The following TRAK2 variants were observed in gnomAD, a reference collection of about 807,000 sequenced individuals.
The protein encoded by TRAK2 is trafficking kinesin protein 2.
TRAK2 carries 81 observed loss-of-function variants against 104.6 expected under a neutral mutation model. The observed-to-expected ratio is 0.77, with a 90% CI of 0.65 to 0.93. The LOEUF (loss-of-function observed/expected upper bound fraction) is 0.93, where lower values mean the gene tolerates loss of function less well. Among genes scored for constraint, TRAK2 ranks in the 40% least tolerant of loss-of-function variants. TRAK2 has a pLI of 0.00. For synonymous variants in TRAK2, 406 were observed against 394.4 expected, an observed-to-expected ratio of 1.03 and a Z score of -0.35; for missense variants, 1,002 against 1,089.0, an observed-to-expected ratio of 0.92 and a Z score of 1.12.
chr2:201,395,249 T>C (rs765216401), intron 8 of TRAK2, 65 bp downstream of exon 8: 3 of 1,395,642 alleles, frequency 2.1e-6, no homozygotes, highest in Non-Finnish European at 3.0e-6. Flanking sequence ...ATCTAGCACT[T>C]AGCATGGTGC....
At chr2:201,382,829 G>A in intron 15 of TRAK2, among the ~76,000 whole-genome samples, 1 of 152,222 alleles carries the variant, frequency 6.6e-6, no homozygotes, top group Non-Finnish European at 1.5e-5. Flanking sequence ...TCAAATACAT[G>A]GCTAACCTTA....
intron 2 of TRAK2, among the ~76,000 whole-genome samples, chr2:201,414,198 T>C (rs1951672680): frequency 6.6e-6 from 1 of 152,150 alleles, no homozygotes; most frequent in African/African-American, 2.4e-5. Flanking sequence ...AACTGAGCTT[T>C]TGTGTTTTTA....
At chr2:201,410,363 G>A (rs936786015) in intron 2 of TRAK2, among the ~76,000 whole-genome samples, 1 of 151,808 alleles carries the variant, frequency 6.6e-6, no homozygotes, top group African/African-American at 2.4e-5. Context: ...AATCCTCAGT[G>A]CTTTAAAAAA....
chr2:201,381,056 A>G lies in TRAK2; in HGVS notation c.2232T>C (p.Leu744=). ...TFSSTMSLAK[L]LQERGISAKV... Reference sequence around the variant, plus strand: ...TGGCAGAGATGCCTCGCTCTTGTAGAAGTTTGGCCAAGCTCATGGTGCTAC... The same window carrying G: ...TGGCAGAGATGCCTCGCTCTTGTAGGAGTTTGGCCAAGCTCATGGTGCTAC... The change falls in exon 16 of 16, where the codon CTT becomes CTC. Residue 744 remains leucine, a synonymous_variant. Transcript: ENST00000332624. 6.2e-7 allele frequency: 1 copy of G among 1,614,044 alleles called. No individual in the cohort carries two copies. The highest frequency in any genetic ancestry group is 8.5e-7 in the Non-Finnish European group (1 of 1,179,972).
intron 1 of TRAK2, among the ~76,000 whole-genome samples, chr2:201,422,937 A>T (rs557760273): frequency 3.2e-4 from 49 of 152,270 alleles, no homozygotes; most frequent in African/African-American, 8.2e-4. Flanking sequence ...TGTAAATGAT[A>T]AAACATTTTA....
At chr2:201,435,118 A>G (rs1223541102) in intron 1 of TRAK2, among the ~76,000 whole-genome samples, 1 of 152,076 alleles carries the variant, frequency 6.6e-6, no homozygotes, top group African/African-American at 2.4e-5. Flanking sequence ...GTGCAGTGGC[A>G]TGATCTCCAC....
Position 201,381,111 on chromosome 2 carries a change from G to A in TRAK2, c.2177C>T (p.Thr726Ile). The A allele has an allele frequency of 6.2e-7, 1 of 1,614,084 alleles. No individual in the cohort carries two copies. The highest frequency in any genetic ancestry group is 1.7e-5 in the Admixed American group (1 of 59,994). Reference protein sequence around the residue: ...SYRLSIGESITNRRDSTTTFS... With the variant: ...SYRLSIGESIINRRDSTTTFS... ...GGTTGTAGTGGAATCTCGTCGGTTG[G>A]TGATGGACTCACCAATGCTGAGTCT... The change falls in exon 16 of 16, where the codon ACC becomes ATC. Residue 726 changes from threonine (T) to isoleucine (I), a missense_variant. Coordinates refer to ENST00000332624, the MANE Select transcript of TRAK2 (RefSeq NM_015049.3).
In TRAK2 at chr2:201,380,682, T is replaced by G. The variant is rs1360049523; in HGVS notation, c.2606A>C (p.Asp869Ala). The G allele has an allele frequency of 6.2e-7, 1 of 1,613,970 alleles. No homozygotes were observed. The highest frequency in any genetic ancestry group is 8.5e-7 in the Non-Finnish European group (1 of 1,179,992). The change falls in exon 16 of 16, where the codon GAT becomes GCT. Residue 869 changes from aspartate (D) to alanine (A), a missense_variant. Transcript: ENST00000332624. ...ACCTGAATTTAAATAAACAGCAGAA[T>G]CTGGTTTTTGAGGACCAATTTCTGC... The part of the protein sequence containing the change: ...QEAEIGPQKP[D>A]SAVYLNSGSS...
At position 201,384,199 on chromosome 2, in the gene TRAK2, C is replaced by T; in HGVS notation, c.1981G>A (p.Gly661Arg). The change falls in exon 15 of 16, where the codon GGA becomes AGA. Residue 661 changes from glycine (G) to arginine (R), a missense_variant. By Grantham distance (125) the Gly-to-Arg change is moderately radical (BLOSUM62 -2). Coordinates refer to ENST00000332624, the MANE Select transcript of TRAK2 (RefSeq NM_015049.3). ...GPVTVATANP[G>R]KCLSCTNSTF... ...GAGTTTGTGCACGACAGGCACTTTC[C>T]TGGGTTGGCGGTTGCAACTGAAATA... The T allele has an allele frequency of 6.2e-7, 1 of 1,612,708 alleles. No homozygotes were observed.
chr2:201,410,815 A>C, intron 2 of TRAK2: 2 of 1,606,782 alleles, frequency 1.2e-6, no homozygotes, highest in Non-Finnish European at 1.7e-6. Flanking sequence ...GAGATTATTA[A>C]GGGCAGACAT....
intron 14 of TRAK2, among the ~76,000 whole-genome samples, chr2:201,385,940 TC>T (rs938586408): frequency 2.2e-4 from 33 of 152,340 alleles, no homozygotes; most frequent in African/African-American, 7.7e-4. Context: ...TCTCTGGAAT[TC>T]TCAATGATTT....
At chr2:201,401,802 G>A (rs1293961206) in intron 3 of TRAK2, among the ~76,000 whole-genome samples, 2 of 151,968 alleles carry the variant, frequency 1.3e-5, no homozygotes, top group African/African-American at 4.8e-5. Context: ...CAAAAGAGAA[G>A]GGCAAATATG....
rs764805384 is a variant in TRAK2 at position 201,398,309 on chromosome 2, G to A, written c.526C>T (p.Arg176Ter). Residue 176 changes from arginine to a stop codon, truncating the protein, a stop_gained, in exon 6 of 16, where the codon CGA (arginine) becomes TGA (stop). Coordinates refer to ENST00000332624, the MANE Select transcript of TRAK2 (RefSeq NM_015049.3). LOFTEE classifies it high-confidence loss of function. The part of the protein sequence containing the change: ...HELCKKDELL[R>*]IVSIASEESE... ...TCTTCAGAAGCAATGGAGACGATTC[G>A]AAGTAACTCATCTTTCTTGCATAGC... 10 of 1,613,502 alleles carry A rather than the reference G, an allele frequency of 6.2e-6. No individual in the cohort carries two copies. The Admixed American group carries it at 6.7e-5, about 11-fold the overall frequency.
chr2:201,429,649 C>T (rs929465707), intron 1 of TRAK2, among the ~76,000 whole-genome samples: 8 of 152,174 alleles, frequency 5.3e-5, no homozygotes, highest in South Asian at 2.1e-4. Flanking sequence ...TCCACTTGAT[C>T]GAATTGGCTA....
chr2:201,393,861 C>A (rs1184994626), intron 9 of TRAK2, among the ~76,000 whole-genome samples: 1 of 152,136 alleles, frequency 6.6e-6, no homozygotes, highest in African/African-American at 2.4e-5. Flanking sequence ...GATCCTTCTA[C>A]CTCAGCCTCT....
chr2:201,388,191 C>A, intron 12 of TRAK2, 190 bp from the exon 13 acceptor site: 1 of 641,070 alleles, frequency 1.6e-6, no homozygotes, highest in Non-Finnish European at 2.8e-6. Flanking sequence ...TTTTACAGAT[C>A]ATTGCAAATG....
At chr2:201,426,674 G>GAT (rs1383656332) in intron 1 of TRAK2, among the ~76,000 whole-genome samples, 1 of 152,160 alleles carries the variant, frequency 6.6e-6, no homozygotes, top group Non-Finnish European at 1.5e-5. Context: ...AAACCAAGTT[G>GAT]AACTAAGAAC....
chr2:201,421,154 T>C (rs980096696), intron 1 of TRAK2, among the ~76,000 whole-genome samples: 4 of 152,222 alleles, frequency 2.6e-5, no homozygotes. Context: ...AGTAATACAC[T>C]AATAATATAT....
Position 201,380,247 on chromosome 2 carries a change from A to G in TRAK2, c.*296T>C. On this transcript the variant is annotated 3_prime_UTR_variant, in exon 16 of 16. Coordinates refer to ENST00000332624, the MANE Select transcript of TRAK2 (RefSeq NM_015049.3). ...ATCTCTGTATGTTTTAGTATTACTG[A>G]ATTTATTTGTATTCACTTTTTATGT... 2.5e-6 allele frequency: 1 copy of G among 401,636 alleles called. No individual in the cohort carries two copies. Among genetic ancestry groups the G allele is most frequent in the Non-Finnish European group, 4.5e-6 (1 of 220,824 alleles). The allele number at this position is 401,636 out of a possible 1,614,324, so 24.9% of individuals were successfully genotyped here.
Sources: gnomAD v4.1 joint callset for allele counts (sites outside exome capture counted in the v4.1 genomes callset) on GRCh38, gnomAD v4.1.1 for gene constraint, MANE v1.5 for transcripts, NCBI Gene and HGNC (gene_info 2026-07-23, HGNC 2026-07-21) for gene names.